The following LRP2 variants were observed in gnomAD, a reference collection of about 807,000 sequenced individuals.
LRP2 encodes the protein LDL receptor related protein 2.
Under a neutral mutation model 531.0 loss-of-function variants are expected in LRP2, and 172 were observed. The observed-to-expected ratio is 0.32, with a 90% CI of 0.29 to 0.37. The LOEUF is 0.37. LRP2 is among the 10% of genes least tolerant of loss of function. LRP2 has a pLI of 1.00. For missense variants in LRP2, 5,167 were observed against 5,868.3 expected, an observed-to-expected ratio of 0.88 and a Z score of 3.90; for synonymous variants, 1,992 against 2,027.6, an observed-to-expected ratio of 0.98 and a Z score of 0.47.
In LRP2 at chr2:169,148,888, T is replaced by C. The variant is rs140956972; in HGVS notation, c.12591-1929A>G. 2.6e-5 allele frequency among the ~76,000 whole-genome samples: 4 copies of C among 152,258 alleles called. No homozygotes were observed. In the East Asian group the frequency reaches 5.8e-4, roughly 22 times the overall value. On this transcript the variant is annotated intron_variant, in intron 68 of 78. Transcript: ENST00000649046. The stretch of plus-strand genomic sequence containing the variant: ...TTCTCTGGGAAGTGGCCCTTCTCAC[T>C]CTCACCCACATTGACCTCACATGTC...
intron 1 of LRP2, among the ~76,000 whole-genome samples, chr2:169,338,392 G>T (rs1342418705): frequency 3.2e-5 from 4 of 123,088 alleles, no homozygotes; most frequent in African/African-American, 9.7e-5. Context: ...AAGAAAGAAA[G>T]AAAGAAAGAA....
At chr2:169,217,609 T>A (rs896603877) in intron 34 of LRP2, among the ~76,000 whole-genome samples, 5 of 152,150 alleles carry the variant, frequency 3.3e-5, no homozygotes, top group African/African-American at 1.2e-4. Context: ...CTCTCCCATT[T>A]CAGGGTACCA....
chr2:169,356,337 T>C (rs1042772036), intron 1 of LRP2, among the ~76,000 whole-genome samples: 11 of 152,246 alleles, frequency 7.2e-5, no homozygotes, highest in African/African-American at 2.7e-4. Context: ...AGGTGCATCA[T>C]TCTCAGACCC....
intron 55 of LRP2, 108 bp from the exon 56 acceptor site, chr2:169,174,272 A>G (rs898231779): frequency 1.5e-6 from 2 of 1,368,096 alleles, no homozygotes; most frequent in Non-Finnish European, 1.0e-6. Flanking sequence ...TTTTTAGAGG[A>G]CTTATTTCCT....
At chr2:169,275,264 A>C in intron 13 of LRP2, 26 bp from the exon 14 acceptor site, 11 of 1,568,428 alleles carry the variant, frequency 7.0e-6, no homozygotes, top group South Asian at 1.1e-5. Context: ...CATATATATC[A>C]TACAATTTGT....
intron 77 of LRP2, among the ~76,000 whole-genome samples, chr2:169,131,262 TG>T (rs1685278816): frequency 7.2e-6 from 1 of 137,982 alleles, no homozygotes; most frequent in Non-Finnish European, 1.6e-5. Flanking sequence ...TGAGTGTGTG[TG>T]TGTGTGTGTG....
chr2:169,181,431 C>T lies in LRP2; in HGVS notation c.10169+17G>A. ...TAAACAGTTACACAATTGTTTTATGCTTTTCTATGTACGTACTCTATGTAA... is the reference window on the plus strand; with the variant it reads ...TAAACAGTTACACAATTGTTTTATGTTTTTCTATGTACGTACTCTATGTAA... On this transcript the variant is annotated intron_variant, in intron 52 of 78. Transcript: ENST00000649046. 6.2e-7 allele frequency: 1 copy of T among 1,612,060 alleles called. No homozygotes were observed. The highest frequency in any genetic ancestry group is 1.3e-5 in the African/African-American group (1 of 75,016).
intron 60 of LRP2, 65 bp from the exon 61 acceptor site, chr2:169,168,741 T>G: frequency 1.3e-6 from 2 of 1,559,654 alleles, no homozygotes; most frequent in Non-Finnish European, 1.8e-6. Context: ...GGAAGCTTCC[T>G]GCTATTTCTC....
Position 169,170,624 on chromosome 2 carries a change from C to T in LRP2, c.11307G>A (p.Gln3769=). 2 of 1,614,152 alleles carry T rather than the reference C, an allele frequency of 1.2e-6. No homozygotes were observed. The highest frequency in any genetic ancestry group is 8.5e-7 in the Non-Finnish European group (1 of 1,180,024). Reference sequence around the variant, plus strand: ...AGATCCATCGCGAGGGAATGCACTGCTGATTGACACATCGAAACTCGCTCT... The same window carrying T: ...AGATCCATCGCGAGGGAATGCACTGTTGATTGACACATCGAAACTCGCTCT... ...CTESEFRCVN[Q]QCIPSRWICD... Residue 3769 remains glutamine, a synonymous_variant, in exon 59 of 79, where the codon CAG becomes CAA. Coordinates refer to ENST00000649046, the MANE Select transcript of LRP2 (RefSeq NM_004525.3).
In LRP2 at chr2:169,296,374, G is replaced by T. The variant is rs1051511698; in HGVS notation, c.428-1664C>A. Among the ~76,000 whole-genome samples, 17 of 152,028 alleles carry T rather than the reference G, an allele frequency of 1.1e-4. No homozygotes were observed. In the South Asian group the frequency reaches 3.3e-3, roughly 30 times the overall value. ...GTGAGCCAGTGCCTAGAGTTATTGC[G>T]TCTTTCCTCGCTGAGATGATATGCC... On this transcript the variant is annotated intron_variant, in intron 4 of 78. Coordinates refer to ENST00000649046, the MANE Select transcript of LRP2 (RefSeq NM_004525.3).
In LRP2 at chr2:169,361,847, G is replaced by T. The variant is rs564962934; in HGVS notation, c.79+474C>A. On this transcript the variant is annotated intron_variant, in intron 1 of 78. Transcript: ENST00000649046. ...CGCGGGACCAAGTTTCGCCGGTGGT[G>T]GGAGGAGTGCTCTGGCCCGCGGCCC... Among the ~76,000 whole-genome samples the T allele has an allele frequency of 2.0e-5, 3 of 152,332 alleles. No individual in the cohort carries two copies. In the South Asian group the frequency reaches 6.2e-4, roughly 32 times the overall value.
chr2:169,162,444 T>C, intron 63 of LRP2, 28 bp downstream of exon 63: 1 of 1,613,478 alleles, frequency 6.2e-7, no homozygotes, highest in Non-Finnish European at 8.5e-7. Flanking sequence ...GTTACTACAA[T>C]GAACTATAAA....
Position 169,146,874 on chromosome 2 carries a change from C to T in LRP2, c.12676G>A (p.Glu4226Lys), listed in dbSNP as rs144428082. 8.0e-5 allele frequency: 129 copies of T among 1,614,136 alleles called. No individual in the cohort carries two copies. Among genetic ancestry groups the T allele is most frequent in the Middle Eastern group, 1.7e-4 (1 of 6,060 alleles). ...AGGCCAGTTGGCCAACCAAGGTCCT[C>T]GAAAACCAGGATGTTGCGGTCCTCT... The part of the protein sequence containing the change: ...NGEDRNILVF[E>K]DLGWPTGLSI... The change falls in exon 69 of 79, where the codon GAG becomes AAG. Residue 4226 changes from glutamate to lysine, a missense_variant. Coordinates refer to ENST00000649046, the MANE Select transcript of LRP2 (RefSeq NM_004525.3).
chr2:169,223,919 T>G (rs920033988), intron 33 of LRP2, among the ~76,000 whole-genome samples: 1 of 152,180 alleles, frequency 6.6e-6, no homozygotes, highest in Non-Finnish European at 1.5e-5. Context: ...CTTTGTAAAC[T>G]CAAGCGCTGT....
intron 66 of LRP2, among the ~76,000 whole-genome samples, chr2:169,154,007 T>C (rs915297145): frequency 6.6e-6 from 1 of 152,328 alleles, no homozygotes; most frequent in African/African-American, 2.4e-5. Context: ...CAACTAGCTA[T>C]ATAACTTAGA....
rs775420518 is a variant in LRP2 at position 169,256,167 on chromosome 2, G to A, written c.2709C>T (p.Asp903=). The part of the protein sequence containing the change: ...KIEHSTFDGL[D]RRRLGHIEQM... ...GCTCTATATGGCCCAGTCTTCTTCT[G>A]TCTAAACCATCAAAGGTGCTGTGCT... Residue 903 remains aspartate (D), a synonymous_variant, in exon 19 of 79, where the codon GAC becomes GAT. Coordinates refer to ENST00000649046, the MANE Select transcript of LRP2 (RefSeq NM_004525.3). 6.2e-7 allele frequency: 1 copy of A among 1,612,908 alleles called. No individual in the cohort carries two copies. The highest frequency in any genetic ancestry group is 1.7e-5 in the Admixed American group (1 of 59,942).
intron 29 of LRP2, among the ~76,000 whole-genome samples, chr2:169,234,067 C>G (rs1225046835): frequency 6.6e-6 from 1 of 152,172 alleles, no homozygotes; most frequent in Non-Finnish European, 1.5e-5. Flanking sequence ...TTAGATGCAT[C>G]TTTCCTTCAA....
At chr2:169,304,264 T>C (rs979379594) in intron 4 of LRP2, among the ~76,000 whole-genome samples, 6 of 152,314 alleles carry the variant, frequency 3.9e-5, no homozygotes, top group African/African-American at 7.2e-5. Flanking sequence ...TTGTACAAGA[T>C]AGGACTTTCT....
chr2:169,247,501 T>TA lies in LRP2; in HGVS notation c.2784dup (p.Thr929TyrfsTer2). 1.2e-6 allele frequency: 2 copies of TA among 1,614,038 alleles called. No homozygotes were observed. The highest frequency in any genetic ancestry group is 1.7e-6 in the Non-Finnish European group (2 of 1,179,984). On this transcript the variant is annotated frameshift_variant, in exon 20 of 79. Transcript: ENST00000649046. LOFTEE classifies it high-confidence loss of function. Reference sequence around the variant, plus strand: ...ATAATGGCACCCAGTCTCCAGTCAGTAAAAAATAAATGCTCTGAAAAGAAA... The same window carrying TA: ...ATAATGGCACCCAGTCTCCAGTCAGTAAAAAAATAAATGCTCTGAAAAGAAA...
Sources: allele counts gnomAD v4.1 joint callset (sites outside exome capture counted in the v4.1 genomes callset), GRCh38; gene constraint gnomAD v4.1.1; transcripts MANE v1.5; gene names NCBI Gene and HGNC (gene_info 2026-07-23, HGNC 2026-07-21).